The following GPR143 variants were observed in gnomAD, a reference collection of about 807,000 sequenced individuals.
GPR143 encodes G-protein coupled receptor 143.
In GPR143, 8 loss-of-function variants were observed where a neutral mutation model predicts 27.6. That is an observed-to-expected ratio of 0.29 (90% CI 0.17 to 0.52). The LOEUF (loss-of-function observed/expected upper bound fraction) is 0.52, where lower values mean the gene tolerates loss of function less well. GPR143 is among the 20% of genes least tolerant of loss of function. The pLI is 0.96. For synonymous variants in GPR143, 156 were observed against 153.2 expected (o/e 1.02, Z -0.13); for missense variants, 303 against 343.1 (o/e 0.88, Z 0.92).
chrX:9,760,878 C>T (rs1331685250), intron 1 of GPR143, 52 bp from the exon 2 acceptor site: 7 of 664,210 alleles, frequency 1.1e-5, no homozygotes, highest in Admixed American at 5.4e-5. Flanking sequence ...AAATATAAAG[C>T]TGACTTCTTG....
At chrX:9,760,185 G>A (rs1000537584) in intron 2 of GPR143, among the ~76,000 whole-genome samples, 5 of 111,326 alleles carry the variant, frequency 4.5e-5, no homozygotes, top group African/African-American at 6.5e-5. Context: ...TCCGCCTCCC[G>A]GGTTGAAGCA....
At chrX:9,735,953 CACTTA>C (rs1223901791) in intron 8 of GPR143, among the ~76,000 whole-genome samples, 2 of 111,794 alleles carry the variant, frequency 1.8e-5, no homozygotes, top group Non-Finnish European at 1.9e-5. Context: ...ATCCGATGCA[CACTTA>C]ACTTACCCAA....
chrX:9,775,217 G>C (rs2083567444), intron 1 of GPR143, among the ~76,000 whole-genome samples: 1 of 111,847 alleles, frequency 8.9e-6, no homozygotes, highest in Admixed American at 9.6e-5. Context: ...GTATTGACCT[G>C]GCTGAATGAA....
rs755861646 is a variant in GPR143, at chrX:9,759,158, T to C, written c.455+174A>G. 1.1e-4 allele frequency among the ~76,000 whole-genome samples: 12 copies of C among 111,863 alleles called. No homozygotes were observed. The East Asian group carries it at 3.4e-3, about 32-fold the overall frequency. ...CCTGGCTAATATTTTAAATGTGCCT[T>C]TGGCCTCTTATAAAAATGAGCTGCT... On this transcript the variant is annotated intron_variant, in intron 3 of 8. Coordinates refer to ENST00000467482, the MANE Select transcript of GPR143 (RefSeq NM_000273.3).
At chrX:9,745,035 C>T (rs376871516) in intron 5 of GPR143, among the ~76,000 whole-genome samples, 26 of 111,268 alleles carry the variant, frequency 2.3e-4, no homozygotes, top group African/African-American at 5.9e-4. Flanking sequence ...GTGGATCACC[C>T]GAGGTCAGGA....
chrX:9,751,732 C>T (rs1042430726), intron 3 of GPR143, among the ~76,000 whole-genome samples: 1 of 112,419 alleles, frequency 8.9e-6, no homozygotes, highest in Admixed American at 9.4e-5. Flanking sequence ...CACTAAAAGC[C>T]ACTGAACTGC....
At chrX:9,777,867 G>A (rs1212458410) in intron 1 of GPR143, among the ~76,000 whole-genome samples, 1 of 109,386 alleles carries the variant, frequency 9.1e-6, no homozygotes, top group African/African-American at 3.3e-5. Context: ...GAGGCGGGAG[G>A]ATCATGAGGT....
intron 8 of GPR143, among the ~76,000 whole-genome samples, chrX:9,730,449 G>T (rs146076180): frequency 8.9e-6 from 1 of 111,816 alleles, no homozygotes; most frequent in African/African-American, 3.3e-5. Context: ...AAGACACCAC[G>T]TGTTACTTTT....
Position 9,765,708 on chromosome X carries a change from C to A in GPR143, c.110G>T (p.Gly37Val). 9.0e-7 allele frequency: 1 copy of A among 1,113,812 alleles called. No individual in the cohort carries two copies. Among genetic ancestry groups the A allele is most frequent in the African/African-American group, 1.9e-5 (1 of 52,941 alleles). 91.8% of individuals were successfully genotyped at this position (1,113,812 alleles called of 1,213,427 possible). A position where few individuals can be genotyped will look rare whatever the true frequency, so the allele number is the denominator to read the frequency against. ...RAFHALCLGS[G>V]GLRLALGLLQ... ...AAGGCCCAGCGCCAAGCGGAGCCCGCCGCTGCCCAGGCAGAGCGCGTGGAA... is the reference window on the plus strand; with the variant it reads ...AAGGCCCAGCGCCAAGCGGAGCCCGACGCTGCCCAGGCAGAGCGCGTGGAA... Residue 37 changes from glycine (G) to valine (V), a missense_variant, in exon 1 of 9, where the codon GGC (glycine) becomes GTC (valine). Coordinates refer to ENST00000467482, the MANE Select transcript of GPR143 (RefSeq NM_000273.3).
intron 4 of GPR143, among the ~76,000 whole-genome samples, chrX:9,748,303 C>T (rs903158593): frequency 8.9e-6 from 1 of 112,651 alleles, no homozygotes; most frequent in African/African-American, 3.2e-5. Flanking sequence ...GGGAAATATG[C>T]GGAAAGCTTT....
At chrX:9,760,617 G>A (rs1189236650) in intron 2 of GPR143, 100 bp downstream of exon 2, 4 of 524,055 alleles carry the variant, frequency 7.6e-6, no homozygotes, top group Middle Eastern at 5.2e-4. Flanking sequence ...GGGGCAGGAC[G>A]TGAGAACCTG....
chrX:9,732,435 C>T (rs148139746), intron 8 of GPR143, among the ~76,000 whole-genome samples: 1,168 of 110,871 alleles, frequency 0.011, 15 homozygotes, highest in African/African-American at 0.037. Context: ...CAGGAAATGG[C>T]GGGAGAGAAT....
At chrX:9,770,902 C>A (rs1305619190), upstream of GPR143, among the ~76,000 whole-genome samples, 1 of 112,075 alleles carries the variant, frequency 8.9e-6, no homozygotes, top group Non-Finnish European at 1.9e-5. Flanking sequence ...CATTTAAGTG[C>A]AATTCAACAG....
At chrX:9,764,812 A>C (rs1052571597) in intron 1 of GPR143, among the ~76,000 whole-genome samples, 2 of 110,643 alleles carry the variant, frequency 1.8e-5, no homozygotes, top group African/African-American at 6.6e-5. Context: ...GGATTACCTG[A>C]GGTCAGGAGT....
intron 6 of GPR143, among the ~76,000 whole-genome samples, chrX:9,743,219 A>C (rs1407882319): frequency 2.9e-5 from 1 of 34,445 alleles, no homozygotes; most frequent in African/African-American, 1.9e-4. Flanking sequence ...ACCCTGTCTC[A>C]AAAAAAAAAA....
At chrX:9,776,310 G>A (rs1350103797) in intron 1 of GPR143, among the ~76,000 whole-genome samples, 5 of 112,382 alleles carry the variant, frequency 4.4e-5, no homozygotes, top group Non-Finnish European at 9.4e-5. Flanking sequence ...CTAAGTCCTC[G>A]GGGTGATTGC....
chrX:9,758,750 G>A (rs772764969), intron 3 of GPR143, among the ~76,000 whole-genome samples: 1 of 110,806 alleles, frequency 9.0e-6, no homozygotes, highest in Non-Finnish European at 1.9e-5. Context: ...CAGGTTTGGT[G>A]GCACATGTCT....
chrX:9,760,938 G>T, intron 1 of GPR143, 112 bp from the exon 2 acceptor site: 1 of 454,617 alleles, frequency 2.2e-6, no homozygotes, highest in Non-Finnish European at 4.0e-6. Flanking sequence ...AAGAGAGGAA[G>T]GAAGAAGGAA....
intron 1 of GPR143, among the ~76,000 whole-genome samples, chrX:9,763,976 T>C (rs999923449): frequency 8.9e-6 from 1 of 112,795 alleles, no homozygotes; most frequent in Non-Finnish European, 1.9e-5. Flanking sequence ...AATAGTCACA[T>C]GCCAGGAAAT....
Sources: gnomAD v4.1 joint callset for allele counts (sites outside exome capture counted in the v4.1 genomes callset) on GRCh38, gnomAD v4.1.1 for gene constraint, MANE v1.5 for transcripts, NCBI Gene and HGNC (gene_info 2026-07-23, HGNC 2026-07-21) for gene names.